The following PCDHA10 variants were observed in gnomAD, a reference collection of about 807,000 sequenced individuals.
PCDHA10 encodes protocadherin alpha-10.
PCDHA10 carries 45 observed loss-of-function variants against 61.2 expected under a neutral mutation model. The ratio of observed to expected loss-of-function variants is 0.74; its 90% confidence interval spans 0.58 to 0.94. The LOEUF is 0.94. PCDHA10 is among the 40% of genes least tolerant of loss of function. The probability of loss-of-function intolerance (pLI) is 0.00; values close to 1 mark genes in which losing one functional copy is unlikely to be tolerated. For missense variants in PCDHA10, 1,278 were observed against 1,236.2 expected (o/e 1.03, Z -0.51); for synonymous variants, 602 against 548.8 (o/e 1.10, Z -1.35).
Position 140,882,483 on chromosome 5 carries a change from G to C in PCDHA10, c.2388+24047G>C. ...TTCCGGGTGGCGTCCAAAAGACACG[G>C]GGACCTTCTGGAGGTAAATCTGCAG... On this transcript the variant is annotated intron_variant, in intron 1 of 3. Coordinates refer to ENST00000307360, the MANE Select transcript of PCDHA10 (RefSeq NM_018901.4). 2 of 1,614,080 alleles carry C rather than the reference G, an allele frequency of 1.2e-6. No individual in the cohort carries two copies. Among genetic ancestry groups the C allele is most frequent in the Non-Finnish European group, 1.7e-6 (2 of 1,180,052 alleles).
At chr5:140,994,636 T>C (rs1243732393) in intron 3 of PCDHA10, among the ~76,000 whole-genome samples, 1 of 151,996 alleles carries the variant, frequency 6.6e-6, no homozygotes, top group Admixed American at 6.6e-5. Flanking sequence ...ACCTGGAAGG[T>C]GGAGGTTGCA....
Position 140,858,600 on chromosome 5 carries a change from T to A in PCDHA10, c.2388+164T>A, listed in dbSNP as rs1554151852. The stretch of plus-strand genomic sequence containing the variant: ...GTAATATAATTTATTCCAGGAGTTT[T>A]AAAATTTTTTTATCCTACCCAGTGT... On this transcript the variant is annotated intron_variant, in intron 1 of 3. Coordinates refer to ENST00000307360, the MANE Select transcript of PCDHA10 (RefSeq NM_018901.4). 7.0e-6 allele frequency: 9 copies of A among 1,293,864 alleles called. 2 individuals are homozygous for A. The highest frequency in any genetic ancestry group is 3.0e-5 in the African/African-American group (2 of 67,188). The allele number at this position is 1,293,864 out of a possible 1,614,324, so 80.1% of individuals were successfully genotyped here.
intron 1 of PCDHA10, among the ~76,000 whole-genome samples, chr5:140,957,050 A>T (rs246010): frequency 0.56 from 85,650 of 151,948 alleles, 24,767 homozygotes; most frequent in African/African-American, 0.69. Context: ...TATAAAATAA[A>T]TTATAAATGT....
chr5:140,880,416 C>T lies in PCDHA10; in HGVS notation c.2388+21980C>T, dbSNP rs188503917. ...AAGAGCATATGGTTGACCTTAAAAG[C>T]GGGAACAGTTTTTCCTTACAACTAG... On this transcript the variant is annotated intron_variant, in intron 1 of 3. Coordinates refer to ENST00000307360, the MANE Select transcript of PCDHA10 (RefSeq NM_018901.4). Among the ~76,000 whole-genome samples, 429 of 152,140 alleles carry T rather than the reference C, an allele frequency of 2.8e-3. 2 individuals carry two copies. Among genetic ancestry groups the T allele is most frequent in the Middle Eastern group, 0.014 (4 of 294 alleles).
At chr5:140,871,429 C>T in intron 1 of PCDHA10, 1 of 1,613,216 alleles carries the variant, frequency 6.2e-7, no homozygotes, top group Admixed American at 1.7e-5. Context: ...CCCCAGTCTT[C>T]CTCTAGGTCT....
chr5:140,967,108 G>A (rs2096097580), intron 1 of PCDHA10: 1 of 1,612,960 alleles, frequency 6.2e-7, no homozygotes, highest in South Asian at 1.1e-5. Flanking sequence ...GTGAGCAGCG[G>A]CCTCGCTGCC....
At chr5:140,885,595 A>G (rs1386755812) in intron 1 of PCDHA10, among the ~76,000 whole-genome samples, 1 of 152,218 alleles carries the variant, frequency 6.6e-6, no homozygotes, top group Non-Finnish European at 1.5e-5. Context: ...CATCAAAGAT[A>G]TTAATAATTT....
chr5:140,902,976 G>T (rs2069915302), intron 1 of PCDHA10, among the ~76,000 whole-genome samples: 1 of 152,140 alleles, frequency 6.6e-6, no homozygotes, highest in African/African-American at 2.4e-5. Flanking sequence ...GGGCATTTAG[G>T]TTGGTTCCAT....
chr5:140,949,335 C>T (rs1388078558), intron 1 of PCDHA10, among the ~76,000 whole-genome samples: 1 of 151,586 alleles, frequency 6.6e-6, no homozygotes, highest in Non-Finnish European at 1.5e-5. Flanking sequence ...TATTGTTATC[C>T]AGATTTTCTG....
intron 1 of PCDHA10, chr5:140,884,038 G>A (rs1554181095): frequency 6.2e-7 from 1 of 1,613,432 alleles, no homozygotes; most frequent in South Asian, 1.1e-5. Context: ...CAGGCCACGT[G>A]GTGGCGAAGG....
chr5:140,875,151 A>G (rs1219163731), intron 1 of PCDHA10, among the ~76,000 whole-genome samples: 1 of 152,220 alleles, frequency 6.6e-6, no homozygotes, highest in Non-Finnish European at 1.5e-5. Flanking sequence ...ATGATCCGTG[A>G]AAAATAACCC....
In PCDHA10 at chr5:140,884,156, G is replaced by C. The variant is rs1554181298; in HGVS notation, c.2388+25720G>C. 1 of 1,613,448 alleles carries C rather than the reference G, an allele frequency of 6.2e-7. No homozygotes were observed. Among genetic ancestry groups the C allele is most frequent in the Admixed American group, 1.7e-5 (1 of 60,012 alleles). On this transcript the variant is annotated intron_variant, in intron 1 of 3. Transcript: ENST00000307360. ...GTTCCGCGTGGGGCTGTACACTGGC[G>C]AGATCAGCACGACGCGCCCTCTGGA...
At chr5:140,920,516 A>G (rs2079670610) in intron 1 of PCDHA10, among the ~76,000 whole-genome samples, 1 of 152,156 alleles carries the variant, frequency 6.6e-6, no homozygotes, top group African/African-American at 2.4e-5. Flanking sequence ...GTTTTATGCA[A>G]TTCGTTAGAC....
intron 1 of PCDHA10, among the ~76,000 whole-genome samples, chr5:140,964,392 C>A (rs2095829219): frequency 6.6e-6 from 1 of 152,072 alleles, no homozygotes; most frequent in African/African-American, 2.4e-5. Flanking sequence ...GGTTTTTCTC[C>A]CAAGACATGA....
intron 1 of PCDHA10, chr5:140,928,142 C>T (rs2084978114): frequency 1.9e-6 from 3 of 1,614,170 alleles, no homozygotes; most frequent in East Asian, 2.2e-5. Flanking sequence ...CTGATCACGG[C>T]CTCAGATAGT....
At chr5:140,870,512 G>A in intron 1 of PCDHA10, 1 of 1,614,224 alleles carries the variant, frequency 6.2e-7, no homozygotes, top group Non-Finnish European at 8.5e-7. Flanking sequence ...AACCCACCAG[G>A]CTGCCACATC....
At chr5:140,877,205 G>A in intron 1 of PCDHA10, 1 of 1,613,824 alleles carries the variant, frequency 6.2e-7, no homozygotes, top group South Asian at 1.1e-5. Flanking sequence ...GGCGCAGTTA[G>A]CGAGTTGGTA....
chr5:140,926,054 T>C (rs1018660828), intron 1 of PCDHA10, among the ~76,000 whole-genome samples: 1 of 152,182 alleles, frequency 6.6e-6, no homozygotes, highest in Non-Finnish European at 1.5e-5. Flanking sequence ...CCCAACCTTC[T>C]TCCCCTCCTT....
intron 1 of PCDHA10, among the ~76,000 whole-genome samples, chr5:140,913,389 C>T (rs1427012396): frequency 6.6e-6 from 1 of 152,122 alleles, no homozygotes; most frequent in Admixed American, 6.5e-5. Flanking sequence ...CTCATCATAG[C>T]CACTAATGAT....
Sources: allele counts gnomAD v4.1 joint callset (sites outside exome capture counted in the v4.1 genomes callset), GRCh38; gene constraint gnomAD v4.1.1; transcripts MANE v1.5; gene names NCBI Gene and HGNC (gene_info 2026-07-23, HGNC 2026-07-21).